Variants in RGS7 observed in about 807,000 individuals in gnomAD.
The protein encoded by RGS7 is regulator of G protein signaling 7, also known as regulator of G-protein signaling 7.
A neutral mutation model predicts 81.1 loss-of-function variants in RGS7; 27 were observed. That is an observed-to-expected ratio of 0.33 (90% CI 0.25 to 0.46). The LOEUF (loss-of-function observed/expected upper bound fraction) is 0.46. RGS7 is among the 20% of genes least tolerant of loss of function. RGS7 has a pLI of 1.00. For missense variants in RGS7, 396 were observed against 607.4 expected, an observed-to-expected ratio of 0.65 and a Z score of 3.66; for synonymous variants, 208 against 207.7, an observed-to-expected ratio of 1.00 and a Z score of -0.01.
At chr1:240,943,814 CT>C (rs1210398659) in intron 4 of RGS7, among the ~76,000 whole-genome samples, 2 of 152,118 alleles carry the variant, frequency 1.3e-5, no homozygotes, top group African/African-American at 2.4e-5. Context: ...AGAGACCTGC[CT>C]GCTTTAGAGG....
In RGS7 at chr1:240,839,755, G is replaced by C. The variant is rs546856357; in HGVS notation, c.610-12583C>G. ...AGATTCTTTTGGAAAAAGCCTGCCA[G>C]ATTCATTGCTAATTTTGGTTTAGTT... On this transcript the variant is annotated intron_variant, in intron 9 of 18. Coordinates refer to ENST00000440928, the MANE Select transcript of RGS7 (RefSeq NM_001364886.1). 5.9e-5 allele frequency among the ~76,000 whole-genome samples: 9 copies of C among 152,234 alleles called. No homozygotes were observed. In the East Asian group the frequency reaches 1.2e-3, roughly 20 times the overall value.
At chr1:240,999,478 T>C (rs1157772509) in intron 3 of RGS7, among the ~76,000 whole-genome samples, 7 of 152,224 alleles carry the variant, frequency 4.6e-5, no homozygotes, top group Admixed American at 2.0e-4. Flanking sequence ...AAGTTTGTCA[T>C]GGATACTTCA....
chr1:241,210,312 G>A lies in RGS7; in HGVS notation c.79-111550C>T, dbSNP rs113996513. ...TTACAGGCTTATACCACTATGCCCC[G>A]GTAATTTTTGTATTTTTAGTAGAGA... On this transcript the variant is annotated intron_variant, in intron 2 of 18. Coordinates refer to ENST00000440928, the MANE Select transcript of RGS7 (RefSeq NM_001364886.1). Among the ~76,000 whole-genome samples the A allele has an allele frequency of 6.2e-3, 937 of 152,162 alleles. 10 individuals carry two copies. Among genetic ancestry groups the A allele is most frequent in the African/African-American group, 0.021 (890 of 41,498 alleles).
intron 10 of RGS7, among the ~76,000 whole-genome samples, chr1:240,819,515 C>T (rs2103134885): frequency 6.6e-6 from 1 of 152,088 alleles, no homozygotes; most frequent in African/African-American, 2.4e-5. Flanking sequence ...CTGAGGCAGG[C>T]ATATCATGAG....
intron 4 of RGS7, among the ~76,000 whole-genome samples, chr1:240,945,747 C>T (rs577563716): frequency 1.1e-4 from 16 of 152,252 alleles, no homozygotes; most frequent in South Asian, 1.0e-3. Flanking sequence ...GTGTGTAGGA[C>T]GTCAGGACTG....
chr1:241,060,149 G>C (rs961634190), intron 3 of RGS7, among the ~76,000 whole-genome samples: 1 of 152,066 alleles, frequency 6.6e-6, no homozygotes, highest in Admixed American at 6.5e-5. Context: ...GAAATCTGTA[G>C]TTTAATTAAT....
intron 10 of RGS7, among the ~76,000 whole-genome samples, chr1:240,823,682 T>C (rs1017239579): frequency 2.0e-5 from 3 of 152,088 alleles, no homozygotes; most frequent in African/African-American, 7.2e-5. Flanking sequence ...CAGACTGCCT[T>C]TGGATTTGAA....
chr1:241,050,115 A>G (rs1241365954), intron 3 of RGS7, among the ~76,000 whole-genome samples: 1 of 152,076 alleles, frequency 6.6e-6, no homozygotes, highest in African/African-American at 2.4e-5. Context: ...TCTCGCACAC[A>G]CTGTTAGAAT....
intron 6 of RGS7, among the ~76,000 whole-genome samples, chr1:240,913,943 G>T: frequency 6.7e-6 from 1 of 148,476 alleles, no homozygotes. Context: ...TTAAGTTTTA[G>T]GGTACATGTG....
intron 2 of RGS7, among the ~76,000 whole-genome samples, chr1:241,121,530 A>G (rs545398258): frequency 1.3e-5 from 2 of 152,268 alleles, no homozygotes; most frequent in Non-Finnish European, 2.9e-5. Flanking sequence ...AAAAGGTGAC[A>G]AGCTATGGTT....
intron 3 of RGS7, among the ~76,000 whole-genome samples, chr1:240,985,473 A>G (rs748567782): frequency 2.0e-5 from 3 of 152,186 alleles, no homozygotes; most frequent in Non-Finnish European, 4.4e-5. Flanking sequence ...AAATACAAAG[A>G]AGCCTAATTT....
chr1:240,780,062 G>C (rs1050232727), intron 18 of RGS7, among the ~76,000 whole-genome samples: 5 of 152,180 alleles, frequency 3.3e-5, no homozygotes, highest in Non-Finnish European at 7.3e-5. Flanking sequence ...GCCATTTCCT[G>C]TGTTTACTAC....
intron 15 of RGS7, among the ~76,000 whole-genome samples, chr1:240,803,579 C>T (rs2103060447): frequency 6.6e-6 from 1 of 152,090 alleles, no homozygotes; most frequent in Non-Finnish European, 1.5e-5. Context: ...TTATTACTTA[C>T]CCAGTGACAG....
At chr1:241,181,073 C>T (rs1346653077) in intron 2 of RGS7, among the ~76,000 whole-genome samples, 1 of 152,156 alleles carries the variant, frequency 6.6e-6, no homozygotes, top group East Asian at 1.9e-4. Flanking sequence ...GATGAATCGG[C>T]AGAGCACAGA....
intron 3 of RGS7, among the ~76,000 whole-genome samples, chr1:241,093,945 G>A (rs888422351): frequency 6.6e-6 from 1 of 152,098 alleles, no homozygotes; most frequent in East Asian, 1.9e-4. Flanking sequence ...AGCTAGAAAA[G>A]GGAAGTCGAA....
At chr1:240,948,606 C>T (rs1308114575) in intron 4 of RGS7, among the ~76,000 whole-genome samples, 1 of 151,926 alleles carries the variant, frequency 6.6e-6, no homozygotes, top group Non-Finnish European at 1.5e-5. Context: ...CCAAGCCTGG[C>T]TAATTTTTAT....
At chr1:240,807,108 C>T (rs112428950) in intron 14 of RGS7, among the ~76,000 whole-genome samples, 264 of 152,118 alleles carry the variant, frequency 1.7e-3, no homozygotes, top group Middle Eastern at 0.01. Flanking sequence ...TTATTTATAC[C>T]ATATGTATAC....
chr1:240,802,980 T>C lies in RGS7; in HGVS notation c.1283A>G (p.Lys428Arg). 1 of 1,608,140 alleles carries C rather than the reference T, an allele frequency of 6.2e-7. No individual in the cohort carries two copies. The highest frequency in any genetic ancestry group is 8.5e-7 in the Non-Finnish European group (1 of 1,174,748). ...TFEDAQEHIYKLMKSDSYPRF... is the reference protein window; with the variant it reads ...TFEDAQEHIYRLMKSDSYPRF... ...TGGGTATGAATCACTTTTCATCAGT[T>C]TGTAAATGTGCTCCTAAAAAGAAAT... The change falls in exon 16 of 19, where the codon AAA becomes AGA. Residue 428 changes from lysine (K) to arginine (R), a missense_variant. Coordinates refer to ENST00000440928, the MANE Select transcript of RGS7 (RefSeq NM_001364886.1).
At chr1:241,227,686 G>C (rs1303310502) in intron 2 of RGS7, among the ~76,000 whole-genome samples, 1 of 151,462 alleles carries the variant, frequency 6.6e-6, no homozygotes, top group Non-Finnish European at 1.5e-5. Context: ...TGCAGAGAGT[G>C]AGCCATGATT....
Sources: gnomAD v4.1 joint callset for allele counts (sites outside exome capture counted in the v4.1 genomes callset) on GRCh38, gnomAD v4.1.1 for gene constraint, MANE v1.5 for transcripts, NCBI Gene and HGNC (gene_info 2026-07-23, HGNC 2026-07-21) for gene names.